The following MYH15 variants were observed in gnomAD, a reference collection of about 807,000 sequenced individuals.
MYH15 encodes the protein myosin heavy chain 15.
Under a neutral mutation model 240.5 loss-of-function variants are expected in MYH15, and 227 were observed. That is an observed-to-expected ratio of 0.94 (90% CI 0.85 to 1.05). The LOEUF is 1.05. Ranked by LOEUF, MYH15 falls within the 50% of genes least tolerant of loss-of-function variation. The pLI is 0.00. For synonymous variants in MYH15, 785 were observed against 796.7 expected, an observed-to-expected ratio of 0.99 and a Z score of 0.25; for missense variants, 2,217 against 2,247.5, an observed-to-expected ratio of 0.99 and a Z score of 0.27.
intron 1 of MYH15, among the ~76,000 whole-genome samples, chr3:108,528,203 CAAT>C (rs1158629098): frequency 1.3e-5 from 2 of 151,870 alleles, no homozygotes; most frequent in Non-Finnish European, 1.5e-5. Flanking sequence ...ATTTTAAATA[CAAT>C]AATATCTGTA....
intron 39 of MYH15, 85 bp downstream of exon 39, chr3:108,384,602 G>T: frequency 8.0e-7 from 1 of 1,252,940 alleles, no homozygotes; most frequent in Non-Finnish European, 1.1e-6. Flanking sequence ...CTGACAAGCT[G>T]CTTGCTGAGC....
At chr3:108,497,815 G>A (rs376269018) in intron 6 of MYH15, among the ~76,000 whole-genome samples, 34 of 152,142 alleles carry the variant, frequency 2.2e-4, no homozygotes, top group African/African-American at 7.7e-4. Context: ...GCCAGAAAAT[G>A]CCCCTTTAAG....
chr3:108,533,087 G>T (rs556717036), upstream of MYH15, among the ~76,000 whole-genome samples: 2 of 134,520 alleles, frequency 1.5e-5, no homozygotes, highest in South Asian at 2.6e-4. Flanking sequence ...ACTTTCATTT[G>T]ATTCAGATAT....
chr3:108,399,050 A>G, intron 34 of MYH15, 25 bp downstream of exon 34: 2 of 1,602,960 alleles, frequency 1.2e-6, no homozygotes, highest in Non-Finnish European at 8.5e-7. Context: ...ACCCCTCCCT[A>G]CCCCATCTTA....
At chr3:108,387,582 T>C (rs1469860197) in intron 38 of MYH15, among the ~76,000 whole-genome samples, 2 of 148,576 alleles carry the variant, frequency 1.3e-5, no homozygotes, top group Non-Finnish European at 3.0e-5. Context: ...GTTTACAGAA[T>C]AAAACAATAA....
At position 108,500,147 on chromosome 3, in the gene MYH15, G is replaced by A. The variant is rs1463337088; in HGVS notation, c.467C>T (p.Ala156Val). The A allele has an allele frequency of 6.2e-7, 1 of 1,613,726 alleles. No individual in the cohort carries two copies. The change falls in exon 4 of 41, where the codon GCC becomes GTC. Residue 156 changes from alanine (A) to valine (V), a missense_variant. Physicochemically the swap from Ala to Val is moderately conservative, Grantham distance 64. Transcript: ENST00000693548. ...SEAPPHIFAV[A>V]NNAFQDMLHN... ...AAGCATGTCCTGAAAGGCGTTATTG[G>A]CAACAGCAAAGATGTGAGGGGGAGC...
intron 29 of MYH15, among the ~76,000 whole-genome samples, chr3:108,415,533 C>A (rs1560337044): frequency 1.3e-5 from 2 of 152,240 alleles, no homozygotes; most frequent in African/African-American, 2.4e-5. Flanking sequence ...AAGACAAAGA[C>A]AAAATCCCTG....
chr3:108,382,653 T>A (rs1179663826), intron 40 of MYH15, among the ~76,000 whole-genome samples: 1 of 152,138 alleles, frequency 6.6e-6, no homozygotes. Flanking sequence ...ACGTTTAAGA[T>A]TGAGGCAGTG....
intron 13 of MYH15, among the ~76,000 whole-genome samples, 157 bp from the exon 14 acceptor site, chr3:108,470,369 T>C (rs552290351): frequency 6.6e-6 from 1 of 152,284 alleles, no homozygotes; most frequent in East Asian, 1.9e-4. Flanking sequence ...AATTGTAATT[T>C]TGAATTGTAA....
intron 6 of MYH15, among the ~76,000 whole-genome samples, chr3:108,497,076 G>A (rs558106159): frequency 1.7e-4 from 26 of 149,418 alleles, no homozygotes; most frequent in African/African-American, 6.4e-4. Flanking sequence ...CAGGAGAATG[G>A]CGTGAACCCA....
At chr3:108,459,069 G>T (rs1310754808) in intron 18 of MYH15, among the ~76,000 whole-genome samples, 2 of 152,054 alleles carry the variant, frequency 1.3e-5, no homozygotes, top group Non-Finnish European at 2.9e-5. Flanking sequence ...GTAGACAATG[G>T]CATGGGAGCT....
At chr3:108,511,879 G>A (rs538446772), upstream of MYH15, among the ~76,000 whole-genome samples, 1 of 152,304 alleles carries the variant, frequency 6.6e-6, no homozygotes, top group East Asian at 1.9e-4. Context: ...GATACCACTT[G>A]TAGGATCTAG....
chr3:108,381,340 C>T lies in MYH15; in HGVS notation c.*205G>A, dbSNP rs2082341826. On this transcript the variant is annotated 3_prime_UTR_variant, in exon 41 of 41. Transcript: ENST00000693548. The stretch of plus-strand genomic sequence containing the variant: ...ATGTGAAGCATTAGAAGGTAGTTTA[C>T]TTGCATTTGAGGATCAAAAAATCCC... 3 of 611,058 alleles carry T rather than the reference C, an allele frequency of 4.9e-6. No homozygotes were observed. The highest frequency in any genetic ancestry group is 2.8e-5 in the Admixed American group (1 of 35,720). 37.9% of individuals were successfully genotyped at this position (611,058 alleles called of 1,614,324 possible).
chr3:108,498,282 G>A, intron 5 of MYH15, 137 bp from the exon 6 acceptor site: 1 of 711,830 alleles, frequency 1.4e-6, no homozygotes, highest in Non-Finnish European at 2.4e-6. Flanking sequence ...GGAACTTGAG[G>A]ATATATTGAC....
chr3:108,394,075 C>G lies in MYH15; in HGVS notation c.5215G>C (p.Glu1739Gln), dbSNP rs1308209819. Residue 1739 changes from glutamate to glutamine, a missense_variant, in exon 36 of 41, where the codon GAG (glutamate) becomes CAG (glutamine). Glu to Gln is a conservative substitution (Grantham distance 29). Coordinates refer to ENST00000693548, the MANE Select transcript of MYH15 (RefSeq NM_014981.3). Reference protein sequence around the residue: ...MQKEAEEVVQECQNAEEKAKK... With the variant: ...MQKEAEEVVQQCQNAEEKAKK... Reference sequence around the variant, plus strand: ...GCCTTCTCTTCTGCATTTTGACACTCCTGCACCACCTCTTCAGCTTCTTTC... The same window carrying G: ...GCCTTCTCTTCTGCATTTTGACACTGCTGCACCACCTCTTCAGCTTCTTTC... 2 of 1,614,146 alleles carry G rather than the reference C, an allele frequency of 1.2e-6. No individual in the cohort carries two copies. Among genetic ancestry groups the G allele is most frequent in the East Asian group, 2.2e-5 (1 of 44,886 alleles).
At chr3:108,489,314 T>C (rs1024357463) in intron 9 of MYH15, among the ~76,000 whole-genome samples, 2 of 152,086 alleles carry the variant, frequency 1.3e-5, no homozygotes, top group African/African-American at 2.4e-5. Context: ...CTTGGTCACT[T>C]ACCATCACTC....
In MYH15 at chr3:108,488,606, C is replaced by G. The variant is rs768170905; in HGVS notation, c.872-2080G>C. Among the ~76,000 whole-genome samples, 40 of 152,198 alleles carry G rather than the reference C, an allele frequency of 2.6e-4. 1 individual carries two copies. Among genetic ancestry groups the G allele is most frequent in the Admixed American group, 5.9e-4 (9 of 15,280 alleles). ...TACAGTCATGAGCTACCATACCCAG[C>G]CAAGATTTCCTTCTTTTTTTAAAGG... On this transcript the variant is annotated intron_variant, in intron 9 of 40. Coordinates refer to ENST00000693548, the MANE Select transcript of MYH15 (RefSeq NM_014981.3).
intron 1 of MYH15, among the ~76,000 whole-genome samples, chr3:108,509,500 C>T (rs1231894853): frequency 6.6e-6 from 1 of 152,148 alleles, no homozygotes; most frequent in African/African-American, 2.4e-5. Flanking sequence ...AATCCAATGA[C>T]TGGAAACTGG....
At chr3:108,388,915 C>T (rs2082402554) in intron 38 of MYH15, 55 bp downstream of exon 38, 2 of 1,518,414 alleles carry the variant, frequency 1.3e-6, no homozygotes, top group African/African-American at 1.4e-5. Flanking sequence ...TGAAGGAGTA[C>T]TTTTCTGCAG....
Sources: gnomAD v4.1 joint callset for allele counts (sites outside exome capture counted in the v4.1 genomes callset) on GRCh38, gnomAD v4.1.1 for gene constraint, MANE v1.5 for transcripts, NCBI Gene and HGNC (gene_info 2026-07-23, HGNC 2026-07-21) for gene names.